Variants in RPS6KA5 observed in about 807,000 individuals in gnomAD.
The protein encoded by RPS6KA5 is ribosomal protein S6 kinase alpha-5.
Under a neutral mutation model 85.5 loss-of-function variants are expected in RPS6KA5, and 27 were observed. The observed-to-expected ratio is 0.32, with a 90% confidence interval of 0.23 to 0.44. RPS6KA5 has a LOEUF of 0.44. Ranked by LOEUF, RPS6KA5 falls within the 20% of genes least tolerant of loss-of-function variation. The pLI, the probability that RPS6KA5 is intolerant of heterozygous loss-of-function variation, is 1.00. For synonymous variants in RPS6KA5, 334 were observed against 348.2 expected (o/e 0.96, Z 0.46); for missense variants, 811 against 980.9 (o/e 0.83, Z 2.31).
chr14:91,010,373 G>A (rs891985178), intron 1 of RPS6KA5, among the ~76,000 whole-genome samples: 3 of 152,140 alleles, frequency 2.0e-5, no homozygotes, highest in Admixed American at 6.5e-5. Context: ...GTAAGCTGGG[G>A]AGCTAGAAAA....
chr14:90,896,782 G>A (rs544585243), intron 12 of RPS6KA5, among the ~76,000 whole-genome samples: 1 of 152,182 alleles, frequency 6.6e-6, no homozygotes, highest in South Asian at 2.1e-4. Flanking sequence ...GTGCAGTGGT[G>A]CAGTCTTGGC....
chr14:90,885,605 G>C (rs374431385), intron 14 of RPS6KA5, among the ~76,000 whole-genome samples: 2,625 of 95,474 alleles, frequency 0.027, 24 homozygotes, highest in South Asian at 0.042. Context: ...AGACGGGCGA[G>C]GTGGCGGGCG....
chr14:91,043,710 C>A (rs1367650682), intron 1 of RPS6KA5, among the ~76,000 whole-genome samples: 2 of 152,264 alleles, frequency 1.3e-5, no homozygotes, highest in Non-Finnish European at 1.5e-5. Context: ...TTGATAGGTA[C>A]AAAACTGGAT....
At chr14:90,995,301 T>TA (rs1696097581) in intron 2 of RPS6KA5, among the ~76,000 whole-genome samples, 1 of 152,176 alleles carries the variant, frequency 6.6e-6, no homozygotes, top group Non-Finnish European at 1.5e-5. Context: ...TTTCTTTTTT[T>TA]AAATCACATA....
At chr14:90,897,863 T>C (rs1034953498) in intron 12 of RPS6KA5, among the ~76,000 whole-genome samples, 4 of 152,122 alleles carry the variant, frequency 2.6e-5, no homozygotes, top group Admixed American at 6.5e-5. Context: ...TTCCTCTATA[T>C]CATCTTCAAC....
chr14:90,859,080 C>T lies in RPS6KA5; in HGVS notation c.*12994G>A, dbSNP rs1451964454. 6.6e-6 allele frequency: 1 copy of T among 152,164 alleles called. No homozygotes were observed. Among genetic ancestry groups the T allele is most frequent in the Non-Finnish European group, 1.5e-5 (1 of 68,076 alleles). The allele number at this position is 152,164 out of a possible 1,614,324, so 9.4% of individuals were successfully genotyped here. On this transcript the variant is annotated 3_prime_UTR_variant, in exon 17 of 17. Transcript: ENST00000614987. ...GGAGGGAAAGGTTGGAATTCAAGGT[C>T]ACCGAGGTGAAGTGGCCCTGATAAA...
chr14:90,957,177 G>A (rs191361324), intron 3 of RPS6KA5, among the ~76,000 whole-genome samples: 100 of 152,090 alleles, frequency 6.6e-4, no homozygotes, highest in African/African-American at 2.3e-3. Context: ...CGATTCTTGC[G>A]CCTCAGCCTT....
At chr14:91,000,941 A>C in intron 2 of RPS6KA5, 147 bp downstream of exon 2, 1 of 488,768 alleles carries the variant, frequency 2.0e-6, no homozygotes, top group Non-Finnish European at 3.6e-6. Context: ...GCTTCTATGA[A>C]TGGTCTGTTC....
chr14:91,027,581 T>C (rs1475960110), intron 1 of RPS6KA5, among the ~76,000 whole-genome samples: 2 of 152,238 alleles, frequency 1.3e-5, no homozygotes, highest in East Asian at 3.8e-4. Context: ...CATAATTATC[T>C]ACATTATATT....
intron 2 of RPS6KA5, among the ~76,000 whole-genome samples, chr14:90,985,950 A>G (rs1034181833): frequency 1.1e-4 from 16 of 152,360 alleles, no homozygotes; most frequent in Non-Finnish European, 1.9e-4. Flanking sequence ...GATAAAAGCA[A>G]AACACTTTAA....
At chr14:90,887,110 T>C (rs2034276278) in intron 14 of RPS6KA5, among the ~76,000 whole-genome samples, 1 of 152,214 alleles carries the variant, frequency 6.6e-6, no homozygotes, top group Non-Finnish European at 1.5e-5. Context: ...CACTCTTTTT[T>C]TTCGGATAGT....
At chr14:90,948,806 T>G (rs1443355146) in intron 3 of RPS6KA5, among the ~76,000 whole-genome samples, 1 of 152,038 alleles carries the variant, frequency 6.6e-6, no homozygotes, top group African/African-American at 2.4e-5. Context: ...AAGTCACAAA[T>G]GCAATTTAAA....
At chr14:90,989,597 T>C (rs962836542) in intron 2 of RPS6KA5, among the ~76,000 whole-genome samples, 2 of 152,118 alleles carry the variant, frequency 1.3e-5, no homozygotes, top group African/African-American at 4.8e-5. Context: ...CATTTAAACA[T>C]TTTCTTCTCC....
chr14:90,950,150 ACTT>A lies in RPS6KA5; in HGVS notation c.395-2603_395-2601del, dbSNP rs1396954632. On this transcript the variant is annotated intron_variant, in intron 3 of 16. Coordinates refer to ENST00000614987, the MANE Select transcript of RPS6KA5 (RefSeq NM_004755.4). ...TAGTTTTCAGAGCATACATTTTTGT[ACTT>A]CTTTTGTTAAATTTATTCCCAAATG... is the stretch of plus-strand genomic sequence containing the variant. Among the ~76,000 whole-genome samples the A allele has an allele frequency of 5.3e-5, 8 of 152,246 alleles. No homozygotes were observed. The East Asian group carries it at 1.5e-3, about 29-fold the overall frequency.
At chr14:90,901,181 T>A (rs1263650421) in intron 9 of RPS6KA5, among the ~76,000 whole-genome samples, 3 of 152,154 alleles carry the variant, frequency 2.0e-5, no homozygotes, top group Non-Finnish European at 4.4e-5. Context: ...CTTGGCTCAC[T>A]GCAACTTCTG....
intron 7 of RPS6KA5, among the ~76,000 whole-genome samples, chr14:90,914,745 G>C (rs1319764797): frequency 6.6e-6 from 1 of 152,196 alleles, no homozygotes; most frequent in African/African-American, 2.4e-5. Flanking sequence ...ATGAAGAAAG[G>C]AAAGAAGATG....
Position 90,938,344 on chromosome 14 carries a change from T to G in RPS6KA5, c.618+4734A>C, listed in dbSNP as rs1286119. ...CCTCCTGGCTGCTTTCACAGACTGGTGTTGAGTGTCTGTGGCTTTTCCAGG... is the reference window on the plus strand; with the variant it reads ...CCTCCTGGCTGCTTTCACAGACTGGGGTTGAGTGTCTGTGGCTTTTCCAGG... On this transcript the variant is annotated intron_variant, in intron 5 of 16. Transcript: ENST00000614987. 1.3e-5 allele frequency among the ~76,000 whole-genome samples: 2 copies of G among 152,188 alleles called. 1 individual carries two copies. Among genetic ancestry groups the G allele is most frequent in the East Asian group, 3.9e-4 (2 of 5,168 alleles).
chr14:91,018,170 A>C (rs116111287), intron 1 of RPS6KA5, among the ~76,000 whole-genome samples: 573 of 152,334 alleles, frequency 3.8e-3, no homozygotes, highest in African/African-American at 0.013. Context: ...AGGCATACAG[A>C]ATGAGTAATG....
chr14:90,894,275 A>G, intron 13 of RPS6KA5, 138 bp downstream of exon 13: 1 of 1,276,320 alleles, frequency 7.8e-7, no homozygotes, highest in Non-Finnish European at 9.9e-7. Context: ...CATCAAAGAA[A>G]CGTATTTTCA....
Sources: allele counts gnomAD v4.1 joint callset (sites outside exome capture counted in the v4.1 genomes callset), GRCh38; gene constraint gnomAD v4.1.1; transcripts MANE v1.5; gene names NCBI Gene and HGNC (gene_info 2026-07-23, HGNC 2026-07-21).